MCTP2: variants seen among roughly 807,000 people sequenced by gnomAD.
MCTP2 encodes multiple C2 and transmembrane domain containing 2.
MCTP2 carries 132 observed loss-of-function variants against 111.6 expected under a neutral mutation model. That is an observed-to-expected ratio of 1.18 (90% CI 1.03 to 1.37). The LOEUF (loss-of-function observed/expected upper bound fraction) is 1.37, where lower values mean the gene tolerates loss of function less well. Ranked by LOEUF, MCTP2 falls within the 40% of genes most tolerant of loss-of-function variation. The pLI is 0.00. For missense variants in MCTP2, 1,183 were observed against 1,067.9 expected, an observed-to-expected ratio of 1.11 and a Z score of -1.50; for synonymous variants, 395 against 387.7, an observed-to-expected ratio of 1.02 and a Z score of -0.22.
chr15:94,419,290 A>G (rs1012062443), intron 17 of MCTP2, among the ~76,000 whole-genome samples: 1 of 152,172 alleles, frequency 6.6e-6, no homozygotes, highest in African/African-American at 2.4e-5. Context: ...TTAGTCAAAG[A>G]CAATGTCAAG....
intron 1 of MCTP2, among the ~76,000 whole-genome samples, chr15:94,243,881 A>T (rs897665590): frequency 1.4e-5 from 2 of 145,682 alleles, no homozygotes; most frequent in Admixed American, 1.4e-4. Context: ...GTATATATTT[A>T]TGTACACATA....
chr15:94,245,321 T>G (rs2152249958), intron 1 of MCTP2, among the ~76,000 whole-genome samples: 1 of 141,938 alleles, frequency 7.0e-6, no homozygotes, highest in East Asian at 2.1e-4. Flanking sequence ...TGTACATATA[T>G]TTACATACAT....
chr15:94,379,882 AT>A (rs1328026035), intron 12 of MCTP2, among the ~76,000 whole-genome samples: 63 of 146,218 alleles, frequency 4.3e-4, no homozygotes, highest in South Asian at 6.4e-4. Flanking sequence ...ATCTATACTT[AT>A]ATATAATATA....
At chr15:94,399,828 A>T in intron 15 of MCTP2, 93 bp from the exon 16 acceptor site, 1 of 1,032,260 alleles carries the variant, frequency 9.7e-7, no homozygotes, top group Non-Finnish European at 1.5e-6. Flanking sequence ...GTCAGAAGCT[A>T]TTGGTCTGCA....
intron 1 of MCTP2, among the ~76,000 whole-genome samples, chr15:94,274,939 A>C (rs2074109407): frequency 6.6e-6 from 1 of 152,208 alleles, no homozygotes; most frequent in Non-Finnish European, 1.5e-5. Context: ...GACACTTAGC[A>C]AGTAGAACTT....
chr15:94,328,345 G>A (rs1030720998), intron 4 of MCTP2, among the ~76,000 whole-genome samples: 3 of 151,872 alleles, frequency 2.0e-5, no homozygotes, highest in African/African-American at 7.3e-5. Flanking sequence ...AGCCAGGATG[G>A]TCTTGATCTC....
At chr15:94,265,376 C>T (rs1234935895) in intron 1 of MCTP2, among the ~76,000 whole-genome samples, 54 of 152,260 alleles carry the variant, frequency 3.5e-4, no homozygotes, top group East Asian at 1.9e-4. Context: ...CAAGGGGTCA[C>T]GTGGACTTGG....
intron 17 of MCTP2, among the ~76,000 whole-genome samples, chr15:94,425,402 T>A (rs1437355495): frequency 6.6e-6 from 1 of 152,172 alleles, no homozygotes; most frequent in East Asian, 1.9e-4. Flanking sequence ...GGCTCTTTGT[T>A]CTTCCATATA....
chr15:94,389,148 T>C (rs1179138515), intron 14 of MCTP2, among the ~76,000 whole-genome samples: 1 of 151,938 alleles, frequency 6.6e-6, no homozygotes, highest in Non-Finnish European at 1.5e-5. Context: ...TTAGGAAGTG[T>C]AGGGAGTTTG....
chr15:94,361,548 T>C (rs2078944465), intron 10 of MCTP2, among the ~76,000 whole-genome samples: 1 of 152,218 alleles, frequency 6.6e-6, no homozygotes, highest in African/African-American at 2.4e-5. Flanking sequence ...CTTGACACTG[T>C]TTATTCCCTT....
At chr15:94,264,827 T>C (rs1449241831) in intron 1 of MCTP2, among the ~76,000 whole-genome samples, 1 of 152,176 alleles carries the variant, frequency 6.6e-6, no homozygotes, top group Non-Finnish European at 1.5e-5. Context: ...AGGATACTCA[T>C]GTATGAGAAG....
At position 94,346,120 on chromosome 15, in the gene MCTP2, G is replaced by A. The variant is rs116091547; in HGVS notation, c.1005+956G>A. On this transcript the variant is annotated intron_variant, in intron 8 of 22. Transcript: ENST00000357742. ...AGCTCAAAGACTGGAGTTTGGATGCGGATGAGAGACCGAGAGAGCGAAAGA... is the reference window on the plus strand; with the variant it reads ...AGCTCAAAGACTGGAGTTTGGATGCAGATGAGAGACCGAGAGAGCGAAAGA... Among the ~76,000 whole-genome samples, 418 of 152,186 alleles carry A rather than the reference G, an allele frequency of 2.7e-3. 1 individual carries two copies. Among genetic ancestry groups the A allele is most frequent in the African/African-American group, 7.4e-3 (309 of 41,504 alleles).
chr15:94,279,969 T>G (rs566822981), intron 1 of MCTP2, among the ~76,000 whole-genome samples: 2 of 152,304 alleles, frequency 1.3e-5, no homozygotes, highest in Admixed American at 1.3e-4. Flanking sequence ...TCATGGTGGC[T>G]TAGCTTTTTG....
chr15:94,341,240 A>G (rs2077624012), intron 7 of MCTP2: 2 of 311,400 alleles, frequency 6.4e-6, no homozygotes, highest in African/African-American at 2.2e-5. Context: ...TCTTTTGGGA[A>G]GATACAAATT....
chr15:94,470,319 T>C lies in MCTP2; in HGVS notation c.2361-14T>C. On this transcript the variant is annotated splice_polypyrimidine_tract_variant and intron_variant, in intron 20 of 22. Transcript: ENST00000357742. ...AACATCAGAGGAAATTATATTTATG[T>C]GGTTTGTCTACAGCACATTTAACTG... The C allele has an allele frequency of 1.3e-6, 2 of 1,549,354 alleles. No homozygotes were observed. The highest frequency in any genetic ancestry group is 1.8e-6 in the Non-Finnish European group (2 of 1,121,484).
chr15:94,368,785 A>G (rs1443075856), intron 11 of MCTP2, among the ~76,000 whole-genome samples: 6 of 152,222 alleles, frequency 3.9e-5, no homozygotes, highest in African/African-American at 1.2e-4. Context: ...CCAATGGATA[A>G]GTTGACAAAT....
At chr15:94,383,975 T>C in intron 12 of MCTP2, 47 bp from the exon 13 acceptor site, 1 of 1,380,898 alleles carries the variant, frequency 7.2e-7, no homozygotes, top group Non-Finnish European at 1.0e-6. Flanking sequence ...CCCTTGTCCC[T>C]TTCGAGATTC....
At chr15:94,433,395 G>A (rs998209235) in intron 17 of MCTP2, among the ~76,000 whole-genome samples, 8 of 152,130 alleles carry the variant, frequency 5.3e-5, no homozygotes, top group Admixed American at 4.6e-4. Context: ...GGGAAGACAT[G>A]CATGGTAGAG....
At chr15:94,384,322 T>C (rs1352541088) in intron 13 of MCTP2, among the ~76,000 whole-genome samples, 198 bp downstream of exon 13, 2 of 152,188 alleles carry the variant, frequency 1.3e-5, no homozygotes, top group Non-Finnish European at 1.5e-5. Flanking sequence ...CAAGGGACTT[T>C]TATAGGAGGC....
Sources: gnomAD v4.1 joint callset for allele counts (sites outside exome capture counted in the v4.1 genomes callset) on GRCh38, gnomAD v4.1.1 for gene constraint, MANE v1.5 for transcripts, NCBI Gene and HGNC (gene_info 2026-07-23, HGNC 2026-07-21) for gene names.